Variants in FBRS observed in about 807,000 individuals in gnomAD.
The protein encoded by FBRS is fibrosin.
A neutral mutation model predicts 86.1 loss-of-function variants in FBRS; 15 were observed. The observed-to-expected ratio is 0.17, with a 90% CI of 0.12 to 0.27. FBRS has a LOEUF of 0.27. Ranked by LOEUF, FBRS falls within the 10% of genes least tolerant of loss-of-function variation. FBRS has a pLI of 1.00. For missense variants in FBRS, 1,367 were observed against 1,301.6 expected (o/e 1.05, Z -0.77); for synonymous variants, 666 against 575.8 (o/e 1.16, Z -2.24).
Position 30,659,889 on chromosome 16 carries a change from A to T in FBRS, c.371A>T (p.Glu124Val), listed in dbSNP as rs951667158. The T allele has an allele frequency of 9.7e-6, 15 of 1,548,726 alleles. No homozygotes were observed. In the African/African-American group the frequency reaches 1.9e-4, roughly 20 times the overall value. ...GGGGGCGCAGACGACGGCGAAGCCG[A>T]GGAGGAGCCTGAGGAGGAGGAAGAG... The part of the protein sequence containing the change: ...EEGGADDGEA[E>V]EEPEEEEEEE... The change falls in exon 1 of 18, where the codon GAG becomes GTG. Residue 124 changes from glutamate to valine, a missense_variant. Glu to Val is a moderately radical substitution (Grantham distance 121). This residue lies in a region of FBRS where 702 missense variants were observed against 598.7 expected (regional missense o/e 1.17). Transcript: ENST00000356166.
intron 11 of FBRS, chr16:30,666,231 A>T (rs2052520915): frequency 8.6e-6 from 5 of 582,942 alleles, no homozygotes; most frequent in Non-Finnish European, 1.2e-5. Flanking sequence ...AAAGTTGGTA[A>T]TAGGAGAGCT....
At chr16:30,662,951 A>G (rs991714207) in intron 6 of FBRS, 92 bp downstream of exon 6, 1 of 1,328,024 alleles carries the variant, frequency 7.5e-7, no homozygotes, top group South Asian at 2.4e-5. Flanking sequence ...TATGACTTGA[A>G]AAAGGATTCT....
chr16:30,660,599 G>A (rs2052447661), intron 2 of FBRS, 157 bp downstream of exon 2: 7 of 1,196,968 alleles, frequency 5.8e-6, no homozygotes, highest in South Asian at 4.0e-5. Flanking sequence ...CGGGTCTGAC[G>A]AAGGCCTGTC....
rs754486270 is a variant in FBRS at position 30,669,226 on chromosome 16, G to A, written c.2524G>A (p.Ala842Thr). 323 of 1,543,074 alleles carry A rather than the reference G, an allele frequency of 2.1e-4. No homozygotes were observed. Among genetic ancestry groups the A allele is most frequent in the Admixed American group, 3.0e-4 (15 of 50,244 alleles). ...CGCCGCTGCCGCTGCTGCTGCCGCC[G>A]CCGCTGCCGCCGCCGCAGCAGCCAC... ...AAAAAAAAAA[A>T]AAAAAAATGP... The change falls in exon 18 of 18, where the codon GCC becomes ACC. Residue 842 changes from alanine (A) to threonine (T), a missense_variant. By Grantham distance (58) the Ala-to-Thr change is moderately conservative. Around this residue, in one of 3 missense-constraint regions of FBRS, gnomAD observed 659 missense variants for 678.8 expected, o/e 0.97. Coordinates refer to ENST00000356166, the MANE Select transcript of FBRS (RefSeq NM_001105079.3). The surrounding 1 kb of genome is among the most constrained non-coding windows in gnomAD (Gnocchi z 5.9).
chr16:30,668,668 G>C, intron 16 of FBRS, 25 bp downstream of exon 16: 1 of 1,587,092 alleles, frequency 6.3e-7, no homozygotes, highest in Non-Finnish European at 8.6e-7. Flanking sequence ...GGTGGGGTGG[G>C]GGGGCTGCGG....
chr16:30,669,674 T>G lies in FBRS; in HGVS notation c.*29T>G. On this transcript the variant is annotated 3_prime_UTR_variant, in exon 18 of 18. Transcript: ENST00000356166. This position sits in a 1 kb window ranked among gnomAD's most constrained non-coding sequence, Gnocchi z 5.9. ...GAACGGGGGGGGGTCGGGGCAAAGC[T>G]CCATCTCCCCTTCCTTTAACCAGGT... is the stretch of plus-strand genomic sequence containing the variant. 1 of 1,557,560 alleles carries G rather than the reference T, an allele frequency of 6.4e-7. No individual in the cohort carries two copies. The highest frequency in any genetic ancestry group is 8.6e-7 in the Non-Finnish European group (1 of 1,159,096).
At position 30,665,187 on chromosome 16, in the gene FBRS, C is replaced by G; in HGVS notation, c.1608+108C>G. On this transcript the variant is annotated intron_variant, in intron 9 of 17. Coordinates refer to ENST00000356166, the MANE Select transcript of FBRS (RefSeq NM_001105079.3). The surrounding 1 kb of genome is among the most constrained non-coding windows in gnomAD (Gnocchi z 4.1). ...CCAGTCTTCAGCACAAAAGCAAGAGCCTTGAGCCTGGGACAGCTCCCTGGG... is the reference window on the plus strand; with the variant it reads ...CCAGTCTTCAGCACAAAAGCAAGAGGCTTGAGCCTGGGACAGCTCCCTGGG... The G allele has an allele frequency of 6.5e-7, 1 of 1,527,310 alleles. No individual in the cohort carries two copies. The highest frequency in any genetic ancestry group is 8.8e-7 in the Non-Finnish European group (1 of 1,132,586). The allele number at this position is 1,527,310 out of a possible 1,614,324, so 94.6% of individuals were successfully genotyped here. A position where few individuals can be genotyped will look rare whatever the true frequency, so the allele number is the denominator to read the frequency against.
rs1272887177 is a variant in FBRS, at chr16:30,664,455, A to G, written c.1296A>G (p.Pro432=). ...TCTCCCCTGGCCCCACCCTGCCCCC[A>G]CCCCCACCCCTGCTGCAGGTGCCAG... ...SLFSPGPTLP[P]PPPLLQVPGH... The change falls in exon 7 of 18, where the codon CCA becomes CCG. Residue 432 remains proline (P), a synonymous_variant. Transcript: ENST00000356166. 33 of 482,736 alleles carry G rather than the reference A, an allele frequency of 6.8e-5. No homozygotes were observed. The highest frequency in any genetic ancestry group is 8.1e-5 in the African/African-American group (1 of 12,378). The allele number at this position is 482,736 out of a possible 1,614,324, so 29.9% of individuals were successfully genotyped here. A position where few individuals can be genotyped will look rare whatever the true frequency, so the allele number is the denominator to read the frequency against.
chr16:30,669,130 G>T lies in FBRS; in HGVS notation c.2428G>T (p.Gly810Cys). 1.3e-6 allele frequency: 2 copies of T among 1,581,424 alleles called. No homozygotes were observed. The highest frequency in any genetic ancestry group is 1.7e-6 in the Non-Finnish European group (2 of 1,164,710). ...VSPATPKARA[G>C]EEGPRPTKES... is the part of the protein sequence containing the mutation. ...TCCTGCTACTCCCAAGGCCCGGGCT[G>T]GTGAGGAGGGGCCTCGGCCAACCAA... The change falls in exon 18 of 18, where the codon GGT (glycine) becomes TGT (cysteine). Residue 810 changes from glycine to cysteine, a missense_variant. This residue lies in a region of FBRS where 659 missense variants were observed against 678.8 expected (regional missense o/e 0.97). Transcript: ENST00000356166. This position sits in a 1 kb window ranked among gnomAD's most constrained non-coding sequence, Gnocchi z 5.9.
At position 30,662,876 on chromosome 16, in the gene FBRS, G is replaced by A; in HGVS notation, c.1055+17G>A. ...CACTGGCAGGTGAGTGGTCTTGGGG[G>A]ATTGATGCGGTCCGGAAGGGCCTGG... is the stretch of plus-strand genomic sequence containing the variant. On this transcript the variant is annotated intron_variant, in intron 6 of 17. Coordinates refer to ENST00000356166, the MANE Select transcript of FBRS (RefSeq NM_001105079.3). The A allele has an allele frequency of 2.1e-6, 3 of 1,433,220 alleles. No homozygotes were observed. Among genetic ancestry groups the A allele is most frequent in the Non-Finnish European group, 2.8e-6 (3 of 1,089,104 alleles). 88.8% of individuals were successfully genotyped at this position (1,433,220 alleles called of 1,614,324 possible). A position where few individuals can be genotyped will look rare whatever the true frequency, so the allele number is the denominator to read the frequency against.
At chr16:30,664,976 C>T (rs1333607684) in intron 8 of FBRS, 56 bp downstream of exon 8, 7 of 1,608,866 alleles carry the variant, frequency 4.4e-6, no homozygotes, top group South Asian at 1.1e-5. Flanking sequence ...GAGGGCATGG[C>T]TTCTGGGGGA....
rs746023742 is a variant in FBRS, at chr16:30,669,546, C to T, written c.2844C>T (p.Thr948=). 9 of 1,612,912 alleles carry T rather than the reference C, an allele frequency of 5.6e-6. No individual in the cohort carries two copies. Among genetic ancestry groups the T allele is most frequent in the Non-Finnish European group, 6.8e-6 (8 of 1,179,814 alleles). The change falls in exon 18 of 18, where the codon ACC becomes ACT. Residue 948 remains threonine (T), a synonymous_variant. Coordinates refer to ENST00000356166, the MANE Select transcript of FBRS (RefSeq NM_001105079.3). This position sits in a 1 kb window ranked among gnomAD's most constrained non-coding sequence, Gnocchi z 5.9. ...GAACCCCTCACCTTCTCAGCAAGAC[C>T]CCACCGGGAGCCCTTTTGGGGGCAC... ...APGTPHLLSK[T]PPGALLGAPP... is the part of the protein sequence containing the mutation.
intron 11 of FBRS, chr16:30,666,009 T>C: frequency 2.3e-6 from 1 of 433,126 alleles, no homozygotes; most frequent in Non-Finnish European, 4.1e-6. Flanking sequence ...GAAGCCCTGT[T>C]CGGAAAACAA....
rs909861757 is a variant in FBRS at position 30,670,125 on chromosome 16, T to C, written c.*480T>C. ...CCTTTCACATAGCCCCAAGACCTTT[T>C]GTACATTTTTACAGGGGTGCCCCTC... On this transcript the variant is annotated 3_prime_UTR_variant, in exon 18 of 18. Transcript: ENST00000356166. The C allele has an allele frequency of 2.6e-5, 12 of 461,676 alleles. No individual in the cohort carries two copies. Among genetic ancestry groups the C allele is most frequent in the East Asian group, 6.9e-5 (1 of 14,514 alleles). The allele number at this position is 461,676 out of a possible 1,614,324, so 28.6% of individuals were successfully genotyped here. A position where few individuals can be genotyped will look rare whatever the true frequency, so the allele number is the denominator to read the frequency against.
Position 30,669,951 on chromosome 16 carries a change from T to G in FBRS, c.*306T>G. ...ACACCTTTGCCCCTGTAAGGGCCTC[T>G]AGGCCCTGGGCCTGCCTCCCCAAGG... On this transcript the variant is annotated 3_prime_UTR_variant, in exon 18 of 18. Transcript: ENST00000356166. The surrounding 1 kb of genome is among the most constrained non-coding windows in gnomAD (Gnocchi z 5.9). The G allele has an allele frequency of 1.9e-6, 1 of 537,120 alleles. No individual in the cohort carries two copies. Among genetic ancestry groups the G allele is most frequent in the Non-Finnish European group, 3.4e-6 (1 of 297,252 alleles). The allele number at this position is 537,120 out of a possible 1,614,324, so 33.3% of individuals were successfully genotyped here. A position where few individuals can be genotyped will look rare whatever the true frequency, so the allele number is the denominator to read the frequency against.
intron 6 of FBRS, among the ~76,000 whole-genome samples, 169 bp from the exon 7 acceptor site, chr16:30,664,046 C>G (rs369821793): frequency 6.6e-6 from 1 of 151,940 alleles, no homozygotes; most frequent in African/African-American, 2.4e-5. Flanking sequence ...GTGTGGGAGG[C>G]GCCTCAGTCT....
At chr16:30,660,087 G>T in intron 1 of FBRS, 110 bp downstream of exon 1, 1 of 1,451,250 alleles carries the variant, frequency 6.9e-7, no homozygotes, top group South Asian at 1.4e-5. Flanking sequence ...CCCCAAACCA[G>T]AGCAACCGGC....
Position 30,667,609 on chromosome 16 carries a change from C to T in FBRS, c.2061C>T (p.Pro687=), listed in dbSNP as rs1161543482. 1 of 1,531,536 alleles carries T rather than the reference C, an allele frequency of 6.5e-7. No homozygotes were observed. Among genetic ancestry groups the T allele is most frequent in the South Asian group, 1.2e-5 (1 of 81,526 alleles). 94.9% of individuals were successfully genotyped at this position (1,531,536 alleles called of 1,614,324 possible). ...GGGCCCACGGACCCTTCCTGAGCCCCAGCACCCACATTGGTAAGAGCCAAG... is the reference window on the plus strand; with the variant it reads ...GGGCCCACGGACCCTTCCTGAGCCCTAGCACCCACATTGGTAAGAGCCAAG... ...APGAHGPFLS[P]STHIDPFGRP... is the part of the protein sequence containing the mutation. The change falls in exon 15 of 18, where the codon CCC becomes CCT. Residue 687 remains proline (P), a synonymous_variant. Coordinates refer to ENST00000356166, the MANE Select transcript of FBRS (RefSeq NM_001105079.3).
chr16:30,666,110 G>A (rs904000753), intron 11 of FBRS: 23 of 394,630 alleles, frequency 5.8e-5, no homozygotes, highest in African/African-American at 3.5e-4. Context: ...CTGCGGGAAC[G>A]TTGTGAAACG....
Sources: gnomAD v4.1 joint callset for allele counts (sites outside exome capture counted in the v4.1 genomes callset) on GRCh38, gnomAD v4.1.1 for gene constraint, gnomAD v4.1.1 regional missense constraint, Gnocchi (gnomAD v3.1) non-coding constraint, MANE v1.5 for transcripts, NCBI Gene and HGNC (gene_info 2026-07-23, HGNC 2026-07-21) for gene names.